TEX30: variants seen among roughly 807,000 people sequenced by gnomAD.
TEX30 encodes the protein testis-expressed protein 30.
A neutral mutation model predicts 23.8 loss-of-function variants in TEX30; 14 were observed. The observed-to-expected ratio is 0.59, with a 90% CI of 0.39 to 0.92. TEX30 has a LOEUF of 0.92. TEX30 is among the 40% of genes least tolerant of loss of function. TEX30 has a pLI of 0.00. For synonymous variants in TEX30, 78 were observed against 90.2 expected, an observed-to-expected ratio of 0.87 and a Z score of 0.76; for missense variants, 246 against 270.6, an observed-to-expected ratio of 0.91 and a Z score of 0.64.
intron 4 of TEX30, 95 bp from the exon 5 acceptor site, chr13:102,767,573 A>G (rs1451204503): frequency 9.4e-6 from 12 of 1,270,696 alleles, no homozygotes; most frequent in Non-Finnish European, 1.3e-5. Context: ...ACTGTTCATC[A>G]TATCTGTTTA....
chr13:102,769,991 C>T (rs778443439), intron 2 of TEX30, 21 bp downstream of exon 2: 1 of 1,441,092 alleles, frequency 6.9e-7, no homozygotes, highest in South Asian at 1.6e-5. Flanking sequence ...CCTGAAGATG[C>T]AGAACATACG....
At position 102,769,339 on chromosome 13, in the gene TEX30, T is replaced by C. The variant is rs1595293910; in HGVS notation, c.218A>G (p.His73Arg). 2 of 1,559,042 alleles carry C rather than the reference T, an allele frequency of 1.3e-6. No homozygotes were observed. Among genetic ancestry groups the C allele is most frequent in the Non-Finnish European group, 1.7e-6 (2 of 1,160,608 alleles). ...AACTGATTTATACGCCTTAATTCTA[T>C]GTACAATATTAAGGCCTTTACAGGT... ...RFTCKGLNIV[H>R]RIKAYKSVLN... The change falls in exon 3 of 6, where the codon CAT becomes CGT. Residue 73 changes from histidine to arginine, a missense_variant. Physicochemically the swap from His to Arg is conservative, Grantham distance 29. Coordinates refer to ENST00000376032, the MANE Select transcript of TEX30 (RefSeq NM_138779.5).
chr13:102,770,742 G>A (rs1418781748), intron 1 of TEX30: 2 of 152,134 alleles, frequency 1.3e-5, no homozygotes, highest in Admixed American at 1.3e-4. Flanking sequence ...TCAAAATGAA[G>A]ACACACGGAA....
chr13:102,770,168 C>A lies in TEX30; in HGVS notation c.-60-82G>T. On this transcript the variant is annotated intron_variant, in intron 1 of 5. Transcript: ENST00000376032. ...AACTATGAATGAACACATTCAGTAG[C>A]TAAAATAAACATTTAGAATTACTTC... The A allele has an allele frequency of 4.4e-6, 2 of 450,820 alleles. 1 individual carries two copies. Among genetic ancestry groups the A allele is most frequent in the East Asian group, 7.1e-5 (2 of 28,248 alleles). 27.9% of individuals were successfully genotyped at this position (450,820 alleles called of 1,614,324 possible). A position where few individuals can be genotyped will look rare whatever the true frequency, so the allele number is the denominator to read the frequency against.
rs1393372544 is a variant in TEX30 at position 102,767,188 on chromosome 13, A to G, written c.504+85T>C. 7.2e-6 allele frequency: 10 copies of G among 1,390,164 alleles called. No individual in the cohort carries two copies. The African/African-American group carries it at 1.4e-4, about 20-fold the overall frequency. 86.1% of individuals were successfully genotyped at this position (1,390,164 alleles called of 1,614,324 possible). On this transcript the variant is annotated intron_variant, in intron 5 of 5. Coordinates refer to ENST00000376032, the MANE Select transcript of TEX30 (RefSeq NM_138779.5). ...TAGTCAAATTAGCAATTTTTAAAAG[A>G]CACTGTTGCCAGAAGTATCTTGCTC...
At position 102,772,980 on chromosome 13, in the gene TEX30, C is replaced by T. The variant is rs374443726; in HGVS notation, c.-61+702G>A. ...TGAAGATGACCGGCTAGAGGTGCTG[C>T]GCCCACGAAACGCCAGCTCTAGTGG... On this transcript the variant is annotated intron_variant, in intron 1 of 5. Coordinates refer to ENST00000376032, the MANE Select transcript of TEX30 (RefSeq NM_138779.5). Among the ~76,000 whole-genome samples, 25 of 152,378 alleles carry T rather than the reference C, an allele frequency of 1.6e-4. No homozygotes were observed. The South Asian group carries it at 5.0e-3, about 30-fold the overall frequency.
intron 1 of TEX30, chr13:102,773,344 C>A (rs1038253873): frequency 1.7e-4 from 26 of 152,180 alleles, no homozygotes; most frequent in Admixed American, 3.9e-4. Flanking sequence ...GCCGGGGCTG[C>A]GCCGCGGGCT....
chr13:102,771,783 G>A (rs1290702562), intron 1 of TEX30, among the ~76,000 whole-genome samples: 1 of 152,176 alleles, frequency 6.6e-6, no homozygotes, highest in African/African-American at 2.4e-5. Context: ...TCACCCAACA[G>A]GTGAAATGGG....
At chr13:102,766,865 T>G (rs919208211) in intron 5 of TEX30, among the ~76,000 whole-genome samples, 3 of 152,214 alleles carry the variant, frequency 2.0e-5, no homozygotes, top group Non-Finnish European at 4.4e-5. Flanking sequence ...GCAAATTATA[T>G]GCCCTGGGGA....
chr13:102,769,664 T>A (rs1173202333), intron 2 of TEX30, 123 bp from the exon 3 acceptor site: 1 of 643,992 alleles, frequency 1.6e-6, no homozygotes, highest in Non-Finnish European at 2.7e-6. Context: ...AAATAAAAAG[T>A]AGTGATATTA....
At position 102,773,729 on chromosome 13, in the gene TEX30, T is replaced by G. The variant is rs946400324; in HGVS notation, c.-108A>C. 1 of 152,004 alleles carries G rather than the reference T, an allele frequency of 6.6e-6. No homozygotes were observed. Among genetic ancestry groups the G allele is most frequent in the Admixed American group, 6.5e-5 (1 of 15,272 alleles). The allele number at this position is 152,004 out of a possible 1,614,324, so 9.4% of individuals were successfully genotyped here. On this transcript the variant is annotated 5_prime_UTR_variant, in exon 1 of 6. Transcript: ENST00000376032. The stretch of plus-strand genomic sequence containing the variant: ...GGGCACCCAACCGCCGTCACTCCCT[T>G]CAGGGAGCTGACTAGCGCGCTCGAA...
In TEX30 at chr13:102,768,211, C is replaced by A. The variant is rs369641163; in HGVS notation, c.298+49G>T. The A allele has an allele frequency of 3.0e-5, 42 of 1,403,146 alleles. No individual in the cohort carries two copies. The African/African-American group carries it at 6.0e-4, about 20-fold the overall frequency. The allele number at this position is 1,403,146 out of a possible 1,614,324, so 86.9% of individuals were successfully genotyped here. A position where few individuals can be genotyped will look rare whatever the true frequency, so the allele number is the denominator to read the frequency against. On this transcript the variant is annotated intron_variant, in intron 4 of 5. Coordinates refer to ENST00000376032, the MANE Select transcript of TEX30 (RefSeq NM_138779.5). Reference sequence around the variant, plus strand: ...TAATTTTAATTCTCCATTACCTATTCCTATATTAAAACAGGTAATTAACAA... The same window carrying A: ...TAATTTTAATTCTCCATTACCTATTACTATATTAAAACAGGTAATTAACAA...
At chr13:102,772,949 C>T (rs935332273) in intron 1 of TEX30, among the ~76,000 whole-genome samples, 1 of 152,230 alleles carries the variant, frequency 6.6e-6, no homozygotes, top group Non-Finnish European at 1.5e-5. Flanking sequence ...CCCTCAATGG[C>T]GATGGTGAAG....
At chr13:102,770,139 C>CA (rs1163563761) in intron 1 of TEX30, 53 bp from the exon 2 acceptor site, 2 of 623,036 alleles carry the variant, frequency 3.2e-6, no homozygotes, top group Admixed American at 4.1e-5. Flanking sequence ...GGATATGACA[C>CA]AAAAACTATG....
At chr13:102,772,658 C>T (rs1415354661) in intron 1 of TEX30, among the ~76,000 whole-genome samples, 1 of 152,198 alleles carries the variant, frequency 6.6e-6, no homozygotes, top group East Asian at 1.9e-4. Context: ...TCACTGCAGC[C>T]TCTGCCTCCC....
At position 102,766,588 on chromosome 13, in the gene TEX30, G is replaced by T. The variant is rs1186140171; in HGVS notation, c.505-8C>A. On this transcript the variant is annotated splice_region_variant and splice_polypyrimidine_tract_variant and intron_variant, in intron 5 of 5. Coordinates refer to ENST00000376032, the MANE Select transcript of TEX30 (RefSeq NM_138779.5). The stretch of plus-strand genomic sequence containing the variant: ...CACTTTCTCCAACAAGTTCTAAAGA[G>T]AAAAAGAAGAGGATACTAGACTAAT... The T allele has an allele frequency of 3.1e-6, 5 of 1,607,280 alleles. No individual in the cohort carries two copies. In the South Asian group the frequency reaches 5.6e-5, roughly 18 times the overall value.
At chr13:102,769,922 A>C in intron 2 of TEX30, 90 bp downstream of exon 2, 1 of 1,160,170 alleles carries the variant, frequency 8.6e-7, no homozygotes, top group Non-Finnish European at 1.1e-6. Context: ...CCACAGTGAA[A>C]GTTGAAAATA....
Position 102,767,310 on chromosome 13 carries a change from A to G in TEX30, c.467T>C (p.Leu156Pro), listed in dbSNP as rs1284155422. The G allele has an allele frequency of 6.2e-7, 1 of 1,613,982 alleles. No homozygotes were observed. Residue 156 changes from leucine (L) to proline (P), a missense_variant, in exon 5 of 6, where the codon CTG becomes CCG. Physicochemically the swap from Leu to Pro is moderately conservative, Grantham distance 98. Coordinates refer to ENST00000376032, the MANE Select transcript of TEX30 (RefSeq NM_138779.5). ...TTCATCTGCTGAGCCTGACACAAAC[A>G]GTACAGGCTCTTTTAAACGAAAGAG... ...EDLFRLKEPV[L>P]FVSGSADEMC...
intron 4 of TEX30, 92 bp from the exon 5 acceptor site, chr13:102,767,570 A>T (rs1876996434): frequency 1.5e-6 from 2 of 1,295,776 alleles, no homozygotes; most frequent in Non-Finnish European, 2.1e-6. Context: ...TTTACTGTTC[A>T]TCATATCTGT....
Sources: gnomAD v4.1 joint callset for allele counts (sites outside exome capture counted in the v4.1 genomes callset) on GRCh38, gnomAD v4.1.1 for gene constraint, MANE v1.5 for transcripts, NCBI Gene and HGNC (gene_info 2026-07-23, HGNC 2026-07-21) for gene names.